The following SPICE1 variants were observed in gnomAD, a reference collection of about 807,000 sequenced individuals.
SPICE1 encodes spindle and centriole-associated protein 1.
Under a neutral mutation model 102.7 loss-of-function variants are expected in SPICE1, and 75 were observed. The ratio of observed to expected loss-of-function variants is 0.73; its 90% CI spans 0.61 to 0.88. The LOEUF (loss-of-function observed/expected upper bound fraction) is 0.88. SPICE1 is among the 40% of genes least tolerant of loss of function. SPICE1 has a pLI of 0.00. For missense variants in SPICE1, 979 were observed against 1,020.1 expected, an observed-to-expected ratio of 0.96 and a Z score of 0.55; for synonymous variants, 308 against 350.3, an observed-to-expected ratio of 0.88 and a Z score of 1.35.
intron 7 of SPICE1, among the ~76,000 whole-genome samples, chr3:113,474,746 C>G (rs1026475555): frequency 1.3e-5 from 2 of 151,986 alleles, no homozygotes; most frequent in Non-Finnish European, 2.9e-5. Flanking sequence ...CCAACGAGAA[C>G]AAAGACACAA....
Position 113,447,962 on chromosome 3 carries a change from T to C in SPICE1, c.2426+76A>G, listed in dbSNP as rs1348306969. The C allele has an allele frequency of 2.9e-6, 4 of 1,364,938 alleles. No individual in the cohort carries two copies. In the East Asian group the frequency reaches 7.3e-5, roughly 25 times the overall value. 84.6% of individuals were successfully genotyped at this position (1,364,938 alleles called of 1,614,324 possible). On this transcript the variant is annotated intron_variant, in intron 16 of 17. Transcript: ENST00000295872. ...AGTCAGATACTGTACACTTCCTTTT[T>C]TCACAAAGAGAATAAAATACATACC...
chr3:113,480,452 T>A (rs891175635), intron 7 of SPICE1, among the ~76,000 whole-genome samples: 5 of 152,026 alleles, frequency 3.3e-5, no homozygotes, highest in African/African-American at 1.2e-4. Flanking sequence ...AACACAAGAA[T>A]ACTAAATAAA....
At chr3:113,491,497 C>T (rs574955832) in intron 6 of SPICE1, among the ~76,000 whole-genome samples, 19 of 151,800 alleles carry the variant, frequency 1.3e-4, no homozygotes, top group African/African-American at 4.3e-4. Flanking sequence ...TGGTGGCAGG[C>T]GCCTGTAGTC....
chr3:113,514,666 C>G lies in SPICE1; in HGVS notation c.-1+231G>C, dbSNP rs371115109. 2.2e-5 allele frequency: 17 copies of G among 769,288 alleles called. No individual in the cohort carries two copies. In the African/African-American group the frequency reaches 2.5e-4, roughly 11 times the overall value. 47.7% of individuals were successfully genotyped at this position (769,288 alleles called of 1,614,324 possible). A position where few individuals can be genotyped will look rare whatever the true frequency, so the allele number is the denominator to read the frequency against. ...GACTCCTCAAAACTCACAGGAGGAG[C>G]CTTCTGAGAAGCCCCTCTGACATCC... On this transcript the variant is annotated intron_variant, in intron 1 of 17. Transcript: ENST00000295872.
chr3:113,460,821 C>G, intron 11 of SPICE1, 57 bp from the exon 12 acceptor site: 1 of 1,497,256 alleles, frequency 6.7e-7, no homozygotes, highest in Non-Finnish European at 8.9e-7. Context: ...CAAACCACCA[C>G]CTAGAAAGCA....
At chr3:113,466,548 T>G (rs142669226) in intron 10 of SPICE1, among the ~76,000 whole-genome samples, 6,505 of 151,140 alleles carry the variant, frequency 0.043, 166 homozygotes, top group East Asian at 0.1. Context: ...AGGCAGAGGT[T>G]GCAGTGAGCC....
intron 5 of SPICE1, 47 bp downstream of exon 5, chr3:113,494,002 T>C: frequency 7.8e-7 from 1 of 1,277,416 alleles, no homozygotes; most frequent in South Asian, 1.3e-5. Context: ...TAGTCAACTG[T>C]GGGCTACAGT....
intron 7 of SPICE1, 65 bp downstream of exon 7, chr3:113,488,880 G>A: frequency 1.8e-5 from 16 of 881,654 alleles, no homozygotes; most frequent in East Asian, 7.7e-5. Context: ...GATGCAATAG[G>A]CAAACATTGA....
At chr3:113,512,053 T>C (rs1202779403) in intron 1 of SPICE1, among the ~76,000 whole-genome samples, 1 of 152,218 alleles carries the variant, frequency 6.6e-6, no homozygotes, top group Non-Finnish European at 1.5e-5. Flanking sequence ...ATTTTACTTA[T>C]TCAGAAGCTA....
chr3:113,501,924 A>G (rs1431031769), intron 3 of SPICE1, among the ~76,000 whole-genome samples: 1 of 152,244 alleles, frequency 6.6e-6, no homozygotes, highest in Non-Finnish European at 1.5e-5. Context: ...AGAACTGATA[A>G]TACATGTTCA....
intron 1 of SPICE1, 65 bp downstream of exon 1, chr3:113,514,832 C>A (rs912601981): frequency 2.4e-6 from 3 of 1,248,044 alleles, no homozygotes; most frequent in African/African-American, 1.5e-5. Context: ...GCGGTGCGCA[C>A]GCGCATACTC....
chr3:113,473,517 T>C (rs1338313751), intron 7 of SPICE1, among the ~76,000 whole-genome samples: 1 of 151,402 alleles, frequency 6.6e-6, no homozygotes, highest in Non-Finnish European at 1.5e-5. Context: ...AAAGAAAAAA[T>C]GTTAAGGGCA....
chr3:113,480,549 G>A (rs546104684), intron 7 of SPICE1, among the ~76,000 whole-genome samples: 19 of 152,092 alleles, frequency 1.2e-4, no homozygotes, highest in African/African-American at 4.1e-4. Context: ...CAAGGATAGC[G>A]CAATATTAGG....
intron 1 of SPICE1, among the ~76,000 whole-genome samples, chr3:113,511,422 T>C (rs1937219082): frequency 6.6e-6 from 1 of 152,150 alleles, no homozygotes; most frequent in African/African-American, 2.4e-5. Flanking sequence ...TGGAATACTA[T>C]AAAGCCATAA....
intron 7 of SPICE1, among the ~76,000 whole-genome samples, chr3:113,471,748 G>A (rs1936203858): frequency 1.3e-5 from 2 of 152,064 alleles, no homozygotes; most frequent in African/African-American, 4.8e-5. Context: ...GGAAAGAATA[G>A]GAACATAGAA....
At chr3:113,487,369 T>C (rs925750717) in intron 7 of SPICE1, among the ~76,000 whole-genome samples, 1 of 152,136 alleles carries the variant, frequency 6.6e-6, no homozygotes, top group African/African-American at 2.4e-5. Flanking sequence ...TCATGATTTA[T>C]AGCTAAATAG....
At chr3:113,491,177 G>A (rs749322729) in intron 6 of SPICE1, among the ~76,000 whole-genome samples, 1 of 152,142 alleles carries the variant, frequency 6.6e-6, no homozygotes, top group Non-Finnish European at 1.5e-5. Context: ...AATCATCTAT[G>A]TATCTTAGCA....
chr3:113,494,752 T>C (rs1360946299), intron 4 of SPICE1, among the ~76,000 whole-genome samples: 1 of 152,250 alleles, frequency 6.6e-6, no homozygotes, highest in Non-Finnish European at 1.5e-5. Context: ...AATAAAAGTT[T>C]TAATTAACCT....
At chr3:113,504,025 GA>G (rs1309377789) in intron 2 of SPICE1, among the ~76,000 whole-genome samples, 1 of 151,466 alleles carries the variant, frequency 6.6e-6, no homozygotes, top group Non-Finnish European at 1.5e-5. Flanking sequence ...TACTACAATG[GA>G]AGATGAAATT....
Sources: gnomAD v4.1 joint callset for allele counts (sites outside exome capture counted in the v4.1 genomes callset) on GRCh38, gnomAD v4.1.1 for gene constraint, MANE v1.5 for transcripts, NCBI Gene and HGNC (gene_info 2026-07-23, HGNC 2026-07-21) for gene names.